Variants in KCNH1 observed in about 807,000 individuals in gnomAD.
The protein encoded by KCNH1 is voltage-gated delayed rectifier potassium channel KCNH1.
A neutral mutation model predicts 69.2 loss-of-function variants in KCNH1; 27 were observed. The observed-to-expected ratio is 0.39, with a 90% CI of 0.29 to 0.54. The LOEUF (loss-of-function observed/expected upper bound fraction) is 0.54. KCNH1 is among the 20% of genes least tolerant of loss of function. The pLI is 0.68. For missense variants in KCNH1, 798 were observed against 1,261.6 expected (o/e 0.63, Z 5.57); for synonymous variants, 456 against 487.7 (o/e 0.93, Z 0.86).
At chr1:210,769,128 A>G (rs1020743185) in intron 10 of KCNH1, among the ~76,000 whole-genome samples, 2 of 152,198 alleles carry the variant, frequency 1.3e-5, no homozygotes, top group Admixed American at 1.3e-4. Context: ...GGCTATGCAG[A>G]TATCATTTTT....
chr1:210,751,324 G>C (rs1331909967), intron 10 of KCNH1, among the ~76,000 whole-genome samples: 2 of 152,206 alleles, frequency 1.3e-5, no homozygotes, highest in Non-Finnish European at 2.9e-5. Context: ...GCTGTGCAGG[G>C]ACAGAGCCAG....
At chr1:211,080,222 C>A (rs12133228) in intron 5 of KCNH1, among the ~76,000 whole-genome samples, 2,111 of 152,226 alleles carry the variant, frequency 0.014, 42 homozygotes, top group Non-Finnish European at 0.017. Flanking sequence ...TTCACAATTG[C>A]TTCAAAGAGA....
At chr1:211,099,514 A>G (rs940000946) in intron 3 of KCNH1, among the ~76,000 whole-genome samples, 7 of 152,098 alleles carry the variant, frequency 4.6e-5, no homozygotes, top group African/African-American at 1.7e-4. Context: ...AGCAAACTCT[A>G]CCTCCACAGA....
chr1:210,792,720 C>T (rs557077432), intron 9 of KCNH1, among the ~76,000 whole-genome samples: 2 of 150,948 alleles, frequency 1.3e-5, no homozygotes, highest in African/African-American at 2.4e-5. Context: ...CAGGAAAACA[C>T]AAGATGATCC....
chr1:210,725,208 T>C (rs1350121135), intron 10 of KCNH1, among the ~76,000 whole-genome samples: 1 of 152,148 alleles, frequency 6.6e-6, no homozygotes, highest in Non-Finnish European at 1.5e-5. Context: ...CCATAGCCCG[T>C]AGCTGCACTA....
intron 1 of KCNH1, among the ~76,000 whole-genome samples, chr1:211,127,425 CAAAA>C (rs11340722): frequency 1.6e-4 from 20 of 127,608 alleles, no homozygotes; most frequent in Middle Eastern, 4.5e-3. Context: ...ACACACACAC[CAAAA>C]AAAAAAAAAA....
At position 210,704,500 on chromosome 1, in the gene KCNH1, C is replaced by T. The variant is rs905438197; in HGVS notation, c.2113-20362G>A. ...TTCTAAACTATCCCATGAAGACAGC[C>T]ATTACTTCTGCCATTATTAGCAATA... On this transcript the variant is annotated intron_variant, in intron 10 of 10. Transcript: ENST00000271751. 7.2e-5 allele frequency among the ~76,000 whole-genome samples: 11 copies of T among 152,274 alleles called. No homozygotes were observed. In the East Asian group the frequency reaches 1.9e-3, roughly 27 times the overall value.
intron 5 of KCNH1, among the ~76,000 whole-genome samples, chr1:211,059,436 G>C (rs1398491135): frequency 6.6e-6 from 1 of 151,790 alleles, no homozygotes; most frequent in African/African-American, 2.4e-5. Flanking sequence ...TATTATTAGT[G>C]CTAAAGAGAG....
At chr1:210,744,728 G>C (rs559740529) in intron 10 of KCNH1, among the ~76,000 whole-genome samples, 1 of 152,132 alleles carries the variant, frequency 6.6e-6, no homozygotes, top group Non-Finnish European at 1.5e-5. Flanking sequence ...GATCTAGGGT[G>C]GGGTCATGAA....
At chr1:210,954,710 G>C (rs747753304) in intron 6 of KCNH1, among the ~76,000 whole-genome samples, 7 of 152,158 alleles carry the variant, frequency 4.6e-5, no homozygotes, top group Non-Finnish European at 1.0e-4. Context: ...CTTCTTTTCA[G>C]AAGTGTCTGT....
chr1:210,687,689 T>G (rs1341144000), intron 10 of KCNH1, among the ~76,000 whole-genome samples: 2 of 152,214 alleles, frequency 1.3e-5, no homozygotes, highest in African/African-American at 2.4e-5. Flanking sequence ...CTTACTAACT[T>G]CGACTGCTTT....
intron 10 of KCNH1, among the ~76,000 whole-genome samples, chr1:210,723,025 A>C (rs1682507826): frequency 6.6e-6 from 1 of 152,180 alleles, no homozygotes; most frequent in African/African-American, 2.4e-5. Context: ...TGGAAATATA[A>C]ACAGACTTCT....
intron 7 of KCNH1, among the ~76,000 whole-genome samples, chr1:210,826,370 T>C (rs573004383): frequency 2.0e-5 from 3 of 152,122 alleles, no homozygotes; most frequent in African/African-American, 4.8e-5. Flanking sequence ...CCCATCCCCA[T>C]GACTTTACAA....
At chr1:211,103,632 T>A (rs1443550033) in intron 2 of KCNH1, 30 bp from the exon 3 acceptor site, 1 of 1,364,836 alleles carries the variant, frequency 7.3e-7, no homozygotes, top group Non-Finnish European at 1.0e-6. Flanking sequence ...TCAAGTTAGA[T>A]TAAGAAGTAT....
At chr1:210,718,354 A>ATG (rs1558437960) in intron 10 of KCNH1, among the ~76,000 whole-genome samples, 1 of 5,488 alleles carries the variant, frequency 1.8e-4, no homozygotes, top group Non-Finnish European at 6.2e-4. Flanking sequence ...ATGTATATAT[A>ATG]CATATATTTA....
chr1:210,754,268 C>T (rs2102341884), intron 10 of KCNH1, among the ~76,000 whole-genome samples: 1 of 152,214 alleles, frequency 6.6e-6, no homozygotes, highest in Middle Eastern at 3.4e-3. Context: ...CTTCCCAAGC[C>T]AAGTAGACCT....
At chr1:210,960,320 G>A (rs1283716686) in intron 6 of KCNH1, among the ~76,000 whole-genome samples, 1 of 152,074 alleles carries the variant, frequency 6.6e-6, no homozygotes, top group Admixed American at 6.6e-5. Flanking sequence ...CTGAGGTACA[G>A]TAATTTTTGC....
chr1:210,906,857 A>G lies in KCNH1; in HGVS notation c.1462+12783T>C, dbSNP rs183817845. On this transcript the variant is annotated intron_variant, in intron 7 of 10. Coordinates refer to ENST00000271751, the MANE Select transcript of KCNH1 (RefSeq NM_172362.3). ...TATGGGCCAGAACACTCTCACACTGATGCCATGCTGATCAAATTCATGGAT... is the reference window on the plus strand; with the variant it reads ...TATGGGCCAGAACACTCTCACACTGGTGCCATGCTGATCAAATTCATGGAT... Among the ~76,000 whole-genome samples the G allele has an allele frequency of 2.3e-3, 344 of 152,344 alleles. 1 individual carries two copies. The Middle Eastern group carries it at 0.024, about 11-fold the overall frequency.
rs116505295 is a variant in KCNH1 at position 210,757,985 on chromosome 1, G to A, written c.2112+17363C>T. Among the ~76,000 whole-genome samples, 525 of 152,334 alleles carry A rather than the reference G, an allele frequency of 3.4e-3. 6 individuals carry two copies. Among genetic ancestry groups the A allele is most frequent in the African/African-American group, 0.012 (505 of 41,570 alleles). ...ACAGCCTCCTCCAGCGGATACTGAG[G>A]ACCCATCAGCTAGGGAAGCTCTACT... On this transcript the variant is annotated intron_variant, in intron 10 of 10. Coordinates refer to ENST00000271751, the MANE Select transcript of KCNH1 (RefSeq NM_172362.3).
Sources: allele counts gnomAD v4.1 joint callset (sites outside exome capture counted in the v4.1 genomes callset), GRCh38; gene constraint gnomAD v4.1.1; transcripts MANE v1.5; gene names NCBI Gene and HGNC (gene_info 2026-07-23, HGNC 2026-07-21).